The following TMEM132B variants were observed in gnomAD, a reference collection of about 807,000 sequenced individuals.
TMEM132B encodes transmembrane protein 132B.
A neutral mutation model predicts 90.8 loss-of-function variants in TMEM132B; 18 were observed. The observed-to-expected ratio is 0.20, with a 90% CI of 0.14 to 0.29. The LOEUF (loss-of-function observed/expected upper bound fraction) is 0.29, where lower values mean the gene tolerates loss of function less well. Ranked by LOEUF, TMEM132B falls within the 10% of genes least tolerant of loss-of-function variation. The probability of loss-of-function intolerance (pLI) is 1.00; values close to 1 mark genes in which losing one functional copy is unlikely to be tolerated. For synonymous variants in TMEM132B, 504 were observed against 523.3 expected, an observed-to-expected ratio of 0.96 and a Z score of 0.50; for missense variants, 1,096 against 1,326.8, an observed-to-expected ratio of 0.83 and a Z score of 2.70.
chr12:125,284,073 T>G (rs1309994048), intron 1 of TMEM132B, among the ~76,000 whole-genome samples: 1 of 152,232 alleles, frequency 6.6e-6, no homozygotes, highest in Non-Finnish European at 1.5e-5. Flanking sequence ...GACAGCCCTG[T>G]TTCCTAGGGG....
chr12:125,624,744 G>T (rs1886189622), intron 5 of TMEM132B, among the ~76,000 whole-genome samples: 1 of 152,128 alleles, frequency 6.6e-6, no homozygotes, highest in African/African-American at 2.4e-5. Flanking sequence ...TTTGTGTGCG[G>T]TCCTTTTTGT....
chr12:125,582,259 C>T (rs1030256262), intron 4 of TMEM132B, among the ~76,000 whole-genome samples: 4 of 148,204 alleles, frequency 2.7e-5, no homozygotes, highest in African/African-American at 1.0e-4. Flanking sequence ...TACATAATAG[C>T]TAAGTTTTAG....
intron 2 of TMEM132B, among the ~76,000 whole-genome samples, chr12:125,405,941 GAC>G (rs1483020178): frequency 6.6e-6 from 1 of 152,190 alleles, no homozygotes; most frequent in African/African-American, 2.4e-5. Flanking sequence ...TCAGAGTTTG[GAC>G]AGGACAGTTT....
At position 125,349,991 on chromosome 12, in the gene TMEM132B, C is replaced by G. The variant is rs774507636; in HGVS notation, c.607C>G (p.Leu203Val). 1 of 1,614,160 alleles carries G rather than the reference C, an allele frequency of 6.2e-7. No homozygotes were observed. The change falls in exon 2 of 9, where the codon CTG (leucine) becomes GTG (valine). Residue 203 changes from leucine (L) to valine (V), a missense_variant. By Grantham distance (32) the Leu-to-Val change is conservative. Transcript: ENST00000682704. The surrounding 1 kb of genome is among the most constrained non-coding windows in gnomAD (Gnocchi z 4.1). ...ELLPEWFSSG[L>V]DLEPEEEIPA... Reference sequence around the variant, plus strand: ...GCTGCCCGAGTGGTTCAGCTCAGGCCTGGACCTGGAACCAGAGGAGGAGAT... The same window carrying G: ...GCTGCCCGAGTGGTTCAGCTCAGGCGTGGACCTGGAACCAGAGGAGGAGAT...
At chr12:125,330,306 A>G (rs1876725423) in intron 1 of TMEM132B, among the ~76,000 whole-genome samples, 2 of 148,648 alleles carry the variant, frequency 1.3e-5, no homozygotes. Context: ...GGTCCCATAG[A>G]GTAGTCGTGC....
chr12:125,515,523 TCA>T (rs1289727987), intron 3 of TMEM132B, among the ~76,000 whole-genome samples: 3 of 149,180 alleles, frequency 2.0e-5, no homozygotes, highest in Admixed American at 6.7e-5. Flanking sequence ...TCACACCCCT[TCA>T]CACATTCTCA....
At chr12:125,471,221 C>T (rs1314226287) in intron 3 of TMEM132B, among the ~76,000 whole-genome samples, 4 of 152,172 alleles carry the variant, frequency 2.6e-5, no homozygotes, top group East Asian at 1.9e-4. Flanking sequence ...CAGTCCCATG[C>T]GGGACAGAGT....
At position 125,652,417 on chromosome 12, in the gene TMEM132B, T is replaced by A. The variant is rs374889466; in HGVS notation, c.1915-24T>A. The A allele has an allele frequency of 4.3e-5, 67 of 1,558,782 alleles. 1 individual carries two copies. The African/African-American group carries it at 8.7e-4, about 20-fold the overall frequency. On this transcript the variant is annotated intron_variant, in intron 7 of 8. Transcript: ENST00000682704. ...GGTGCTCATGAGGAGCAGAGATGCA[T>A]GAGTCTCCTCGCTGACTTTTCAGGT... is the stretch of plus-strand genomic sequence containing the variant.
intron 5 of TMEM132B, among the ~76,000 whole-genome samples, chr12:125,634,885 G>C (rs1341037426): frequency 6.6e-6 from 1 of 152,146 alleles, no homozygotes; most frequent in Admixed American, 6.5e-5. Flanking sequence ...ACAGCCTGGG[G>C]TTGGGGAAGG....
At chr12:125,302,733 A>C (rs1367406576) in intron 1 of TMEM132B, among the ~76,000 whole-genome samples, 1 of 152,224 alleles carries the variant, frequency 6.6e-6, no homozygotes, top group Non-Finnish European at 1.5e-5. Context: ...CATTAATTGC[A>C]TTCACCATGA....
In TMEM132B at chr12:125,279,191, C is replaced by T. The variant is rs1179467777; in HGVS notation, c.68-70261C>T. Among the ~76,000 whole-genome samples the T allele has an allele frequency of 2.0e-5, 3 of 152,152 alleles. No homozygotes were observed. In the East Asian group the frequency reaches 5.8e-4, roughly 29 times the overall value. ...GGTCCTCATCTGTGATTGGCTGACT[C>T]CATTAGTCTATACAAGGCCATTGCC... On this transcript the variant is annotated intron_variant, in intron 1 of 8. Coordinates refer to ENST00000682704, the MANE Select transcript of TMEM132B (RefSeq NM_001366854.1).
chr12:125,206,334 G>A (rs1195377053), intron 1 of TMEM132B, among the ~76,000 whole-genome samples: 2 of 150,512 alleles, frequency 1.3e-5, no homozygotes, highest in African/African-American at 4.8e-5. Context: ...CGCCTCCCGG[G>A]TTCACATGAT....
intron 3 of TMEM132B, among the ~76,000 whole-genome samples, chr12:125,511,635 G>C (rs916609203): frequency 6.6e-6 from 1 of 151,912 alleles, no homozygotes; most frequent in Non-Finnish European, 1.5e-5. Context: ...GGCGGATCAC[G>C]AGGTTAGGAG....
chr12:125,540,490 G>GT (rs1241424018), intron 4 of TMEM132B, among the ~76,000 whole-genome samples: 3 of 152,110 alleles, frequency 2.0e-5, no homozygotes, highest in African/African-American at 7.2e-5. Flanking sequence ...TTGAAGCTCT[G>GT]TTATTAGATA....
At chr12:125,558,706 G>A (rs1235021001) in intron 4 of TMEM132B, among the ~76,000 whole-genome samples, 1 of 152,172 alleles carries the variant, frequency 6.6e-6, no homozygotes, top group Non-Finnish European at 1.5e-5. Flanking sequence ...AACAAATGTT[G>A]TTAGTTCCAA....
At chr12:125,382,131 A>G (rs1245995166) in intron 2 of TMEM132B, among the ~76,000 whole-genome samples, 1 of 152,202 alleles carries the variant, frequency 6.6e-6, no homozygotes, top group Non-Finnish European at 1.5e-5. Context: ...ACTCTAACTT[A>G]CATTCTTCCT....
intron 3 of TMEM132B, among the ~76,000 whole-genome samples, chr12:125,484,634 A>G (rs1179945605): frequency 2.0e-5 from 3 of 151,824 alleles, no homozygotes; most frequent in Non-Finnish European, 2.9e-5. Flanking sequence ...ACTCATTGTT[A>G]TTATTATTAT....
chr12:125,610,650 T>TGTGTATA (rs1010123889), intron 5 of TMEM132B, among the ~76,000 whole-genome samples: 59 of 152,196 alleles, frequency 3.9e-4, no homozygotes, highest in African/African-American at 1.3e-3. Flanking sequence ...TGTATGTGTG[T>TGTGTATA]GTGTATATAT....
intron 3 of TMEM132B, among the ~76,000 whole-genome samples, chr12:125,473,500 A>C (rs112309598): frequency 0.012 from 1,870 of 152,352 alleles, 17 homozygotes; most frequent in Middle Eastern, 0.044. Context: ...GTGGCTTATA[A>C]TAGTGTCTAA....
Sources: allele counts gnomAD v4.1 joint callset (sites outside exome capture counted in the v4.1 genomes callset), GRCh38; gene constraint gnomAD v4.1.1; non-coding constraint Gnocchi (gnomAD v3.1); transcripts MANE v1.5; gene names NCBI Gene and HGNC (gene_info 2026-07-23, HGNC 2026-07-21).